ANKRD29: variants seen among roughly 807,000 people sequenced by gnomAD.
ANKRD29 encodes ankyrin repeat domain-containing protein 29.
ANKRD29 carries 32 observed loss-of-function variants against 38.0 expected under a neutral mutation model. The ratio of observed to expected loss-of-function variants is 0.84; its 90% confidence interval spans 0.64 to 1.13. ANKRD29 has a LOEUF of 1.13. Ranked by LOEUF, ANKRD29 falls within the 50% of genes most tolerant of loss-of-function variation. The pLI is 0.00. For missense variants in ANKRD29, 357 were observed against 377.9 expected (o/e 0.94, Z 0.46); for synonymous variants, 135 against 152.4 (o/e 0.89, Z 0.84).
intron 3 of ANKRD29, among the ~76,000 whole-genome samples, chr18:23,640,260 T>G (rs1030523): frequency 0.11 from 16,365 of 152,128 alleles, 1,926 homozygotes; most frequent in African/African-American, 0.26. Flanking sequence ...GAGCCTCCAG[T>G]GGCAGTGCGG....
At chr18:23,613,164 A>ATTTTTTTTTT (rs546475443) in intron 8 of ANKRD29, among the ~76,000 whole-genome samples, 3 of 99,052 alleles carry the variant, frequency 3.0e-5, no homozygotes, top group African/African-American at 4.3e-5. Context: ...ACGGGTCAGA[A>ATTTTTTTTTT]TTTTTTTTTT....
In ANKRD29 at chr18:23,654,495, G is replaced by A. The variant is rs897438080; in HGVS notation, c.22-5302C>T. On this transcript the variant is annotated intron_variant, in intron 1 of 9. Coordinates refer to ENST00000592179, the MANE Select transcript of ANKRD29 (RefSeq NM_173505.4). ...ATTAGCTGGGTGTGACGGTCCACAC[G>A]TGTAATCCCAGCTACTCGGGAGGCT... is the stretch of plus-strand genomic sequence containing the variant. 3.3e-5 allele frequency among the ~76,000 whole-genome samples: 5 copies of A among 149,782 alleles called. No homozygotes were observed. In the East Asian group the frequency reaches 5.9e-4, roughly 18 times the overall value.
In ANKRD29 at chr18:23,662,726, C is replaced by T; in HGVS notation, c.5G>A (p.Cys2Tyr). Reference protein sequence around the residue: MCRMSFKKETPL... With the variant: MYRMSFKKETPL... ...GTCGCTCACCTTGAAGGACATCCTG[C>T]ACATGTCCGCGGCCGCCCGAGCGGG... The change falls in exon 1 of 10, where the codon TGC becomes TAC. Residue 2 changes from cysteine to tyrosine, a missense_variant. Physicochemically the swap from Cys to Tyr is radical, Grantham distance 194. Coordinates refer to ENST00000592179, the MANE Select transcript of ANKRD29 (RefSeq NM_173505.4). The T allele has an allele frequency of 4.1e-6, 6 of 1,470,754 alleles. No homozygotes were observed. The highest frequency in any genetic ancestry group is 5.4e-6 in the Non-Finnish European group (6 of 1,115,928). 91.1% of individuals were successfully genotyped at this position (1,470,754 alleles called of 1,614,324 possible). A position where few individuals can be genotyped will look rare whatever the true frequency, so the allele number is the denominator to read the frequency against.
intron 3 of ANKRD29, among the ~76,000 whole-genome samples, chr18:23,645,981 C>T (rs1440444216): frequency 1.3e-5 from 2 of 152,056 alleles, no homozygotes; most frequent in African/African-American, 4.8e-5. Context: ...GGTTTGGTTA[C>T]CTCAGATATG....
At chr18:23,616,900 G>A (rs928025109) in intron 8 of ANKRD29, among the ~76,000 whole-genome samples, 8 of 151,350 alleles carry the variant, frequency 5.3e-5, no homozygotes, top group Non-Finnish European at 1.2e-4. Flanking sequence ...ATATAATATA[G>A]GTTAGAAATA....
At chr18:23,642,051 G>A (rs1029454232) in intron 3 of ANKRD29, among the ~76,000 whole-genome samples, 28 of 152,078 alleles carry the variant, frequency 1.8e-4, no homozygotes, top group African/African-American at 6.3e-4. Flanking sequence ...GCAGAAAAGA[G>A]CCACCCACTT....
Position 23,601,232 on chromosome 18 carries a change from C to T in ANKRD29, c.900G>A (p.Lys300=), listed in dbSNP as rs1567999814. 1 of 1,613,890 alleles carries T rather than the reference C, an allele frequency of 6.2e-7. No individual in the cohort carries two copies. The highest frequency in any genetic ancestry group is 8.5e-7 in the Non-Finnish European group (1 of 1,179,862). ...TGTCAAATATGGAGCTAAGTTAGCT[C>T]TTTCTGGGACCTTCTTTACTTCTCA... ...RLLRSKEGPR[K]S is the part of the protein sequence containing the mutation. Residue 300 remains lysine, a synonymous_variant, in exon 10 of 10, where the codon AAG becomes AAA. Transcript: ENST00000592179.
chr18:23,658,184 T>C (rs1216699649), intron 1 of ANKRD29, among the ~76,000 whole-genome samples: 1 of 152,098 alleles, frequency 6.6e-6, no homozygotes, highest in East Asian at 1.9e-4. Context: ...AGCAGGAGGA[T>C]TGCTTGAGTC....
At chr18:23,653,270 A>G (rs1001006233) in intron 1 of ANKRD29, among the ~76,000 whole-genome samples, 1 of 152,194 alleles carries the variant, frequency 6.6e-6, no homozygotes, top group African/African-American at 2.4e-5. Context: ...TTTATTTAAG[A>G]TGGATAATCT....
chr18:23,624,466 CAAAAAAAAAAAAAAAAAAAAAAAA>C (rs56005663), intron 6 of ANKRD29, among the ~76,000 whole-genome samples: 1 of 32,438 alleles, frequency 3.1e-5, no homozygotes, highest in Non-Finnish European at 6.9e-5. Flanking sequence ...GACTCCATCT[CAAAAAAAAAAAAAAAAAAAAAAAA>C]AAAAAAAAAA....
intron 2 of ANKRD29, chr18:23,646,930 T>C (rs981249627): frequency 6.6e-6 from 1 of 152,362 alleles, no homozygotes; most frequent in African/African-American, 2.4e-5. Context: ...AGGTGTACCA[T>C]GTGATATGGA....
rs957722412 is a variant in ANKRD29, at chr18:23,610,059, T to TA, written c.822+2032dup. On this transcript the variant is annotated intron_variant, in intron 9 of 9. Coordinates refer to ENST00000592179, the MANE Select transcript of ANKRD29 (RefSeq NM_173505.4). ...TGTTATATGTTTTTGTTTTTATTATTAAAAAAAAATTTAACACAGTAAGAT... is the reference window on the plus strand; with the variant it reads ...TGTTATATGTTTTTGTTTTTATTATTAAAAAAAAAATTTAACACAGTAAGAT... Among the ~76,000 whole-genome samples, 7 of 151,986 alleles carry TA rather than the reference T, an allele frequency of 4.6e-5. No homozygotes were observed. In the East Asian group the frequency reaches 9.6e-4, roughly 21 times the overall value.
In ANKRD29 at chr18:23,629,945, C is replaced by T; in HGVS notation, c.436G>A (p.Ala146Thr). 6.2e-7 allele frequency: 1 copy of T among 1,613,346 alleles called. No individual in the cohort carries two copies. Among genetic ancestry groups the T allele is most frequent in the Non-Finnish European group, 8.5e-7 (1 of 1,179,338 alleles). Residue 146 changes from alanine (A) to threonine (T), a missense_variant, in exon 6 of 10, where the codon GCC (alanine) becomes ACC (threonine). Transcript: ENST00000592179. ...TGGGCAGCTAGGAAGAGGGCAGTGG[C>T]TCCATCCTGAGAGAGAACAAATTAA... ...ANIHDQLYDG[A>T]TALFLAAQGG...
intron 4 of ANKRD29, among the ~76,000 whole-genome samples, chr18:23,637,756 A>C (rs1257520678): frequency 6.6e-6 from 1 of 152,142 alleles, no homozygotes. Flanking sequence ...TGATATCTAA[A>C]TAGTCCACAA....
chr18:23,648,163 A>G (rs2060164229), intron 2 of ANKRD29, among the ~76,000 whole-genome samples: 1 of 152,198 alleles, frequency 6.6e-6, no homozygotes, highest in Non-Finnish European at 1.5e-5. Flanking sequence ...ACACAACTGG[A>G]GGCCAGAGGA....
chr18:23,611,112 C>T (rs985368412), intron 9 of ANKRD29, among the ~76,000 whole-genome samples: 1 of 152,162 alleles, frequency 6.6e-6, no homozygotes, highest in Admixed American at 6.5e-5. Flanking sequence ...GTGTACCCAC[C>T]CACCGCGAAG....
intron 1 of ANKRD29, among the ~76,000 whole-genome samples, chr18:23,658,531 CTG>C (rs2060313596): frequency 6.6e-6 from 1 of 152,154 alleles, no homozygotes; most frequent in African/African-American, 2.4e-5. Context: ...TTAGATGAGA[CTG>C]TGGATTTTAG....
chr18:23,637,278 A>G (rs1486406095), intron 4 of ANKRD29, among the ~76,000 whole-genome samples: 1 of 152,248 alleles, frequency 6.6e-6, no homozygotes, highest in Non-Finnish European at 1.5e-5. Flanking sequence ...AAAAAAATAT[A>G]TAGTATTACT....
chr18:23,609,176 C>T (rs1157852260), intron 9 of ANKRD29: 1 of 151,404 alleles, frequency 6.6e-6, no homozygotes, highest in Non-Finnish European at 1.5e-5. Flanking sequence ...CCGGGGGTAA[C>T]ATCACTATTG....
Sources: gnomAD v4.1 joint callset for allele counts (sites outside exome capture counted in the v4.1 genomes callset) on GRCh38, gnomAD v4.1.1 for gene constraint, MANE v1.5 for transcripts, NCBI Gene and HGNC (gene_info 2026-07-23, HGNC 2026-07-21) for gene names.